Variants in SEMA5A observed in about 807,000 individuals in gnomAD.
The protein encoded by SEMA5A is semaphorin-5A.
In SEMA5A, 55 loss-of-function variants were observed where a neutral mutation model predicts 135.5. The observed-to-expected ratio is 0.41, with a 90% CI of 0.33 to 0.51. The LOEUF (loss-of-function observed/expected upper bound fraction) is 0.51, where lower values mean the gene tolerates loss of function less well. Ranked by LOEUF, SEMA5A falls within the 20% of genes least tolerant of loss-of-function variation. The pLI, the probability that SEMA5A is intolerant of heterozygous loss-of-function variation, is 0.37. For missense variants in SEMA5A, 1,290 were observed against 1,419.9 expected, an observed-to-expected ratio of 0.91 and a Z score of 1.47; for synonymous variants, 580 against 546.5, an observed-to-expected ratio of 1.06 and a Z score of -0.85.
intron 1 of SEMA5A, among the ~76,000 whole-genome samples, chr5:9,486,562 G>A (rs936060284): frequency 6.6e-6 from 1 of 152,108 alleles, no homozygotes; most frequent in Non-Finnish European, 1.5e-5. Flanking sequence ...AGACAGTCAA[G>A]AGAGATGTGT....
intron 11 of SEMA5A, among the ~76,000 whole-genome samples, chr5:9,162,240 C>T (rs1743296052): frequency 6.6e-6 from 1 of 152,038 alleles, no homozygotes; most frequent in Non-Finnish European, 1.5e-5. Flanking sequence ...CTGCGGCCAA[C>T]ATGATTTTCC....
intron 8 of SEMA5A, among the ~76,000 whole-genome samples, chr5:9,203,663 TA>T (rs1468515110): frequency 1.3e-5 from 2 of 152,240 alleles, no homozygotes; most frequent in Non-Finnish European, 2.9e-5. Context: ...AAAAATGTAA[TA>T]AATACTCTAA....
chr5:9,065,567 C>A (rs6858928), intron 17 of SEMA5A, among the ~76,000 whole-genome samples: 1 of 152,200 alleles, frequency 6.6e-6, no homozygotes. Context: ...TAAGGCAGAT[C>A]TAAGAATGGC....
chr5:9,472,534 G>A (rs1561280832), intron 1 of SEMA5A, among the ~76,000 whole-genome samples: 1 of 152,146 alleles, frequency 6.6e-6, no homozygotes, highest in Non-Finnish European at 1.5e-5. Flanking sequence ...AGCTCAGTCT[G>A]GGGCAAAAGC....
chr5:9,537,721 C>A (rs3798086), intron 1 of SEMA5A, among the ~76,000 whole-genome samples: 4 of 152,050 alleles, frequency 2.6e-5, no homozygotes, highest in African/African-American at 9.7e-5. Flanking sequence ...AGCTATTGCA[C>A]TAGGACTTAA....
chr5:9,307,081 A>AT (rs1228833505), intron 5 of SEMA5A, among the ~76,000 whole-genome samples: 1 of 152,226 alleles, frequency 6.6e-6, no homozygotes, highest in East Asian at 1.9e-4. Context: ...ATGCATGTAA[A>AT]TAATAACTGA....
chr5:9,508,053 T>C (rs1233506924), intron 1 of SEMA5A, among the ~76,000 whole-genome samples: 1 of 151,794 alleles, frequency 6.6e-6, no homozygotes, highest in African/African-American at 2.4e-5. Context: ...GAAAGCTGGC[T>C]TGGGGAAGCA....
At chr5:9,468,996 T>TTTTTGTTTTG (rs898374747) in intron 1 of SEMA5A, among the ~76,000 whole-genome samples, 1 of 152,088 alleles carries the variant, frequency 6.6e-6, no homozygotes, top group Non-Finnish European at 1.5e-5. Context: ...GCAATGGATT[T>TTTTTGTTTTG]TTTTGTTTTG....
intron 11 of SEMA5A, among the ~76,000 whole-genome samples, chr5:9,155,412 G>A (rs556095020): frequency 6.6e-6 from 1 of 152,252 alleles, no homozygotes; most frequent in South Asian, 2.1e-4. Flanking sequence ...TGGAGGGTGA[G>A]CGGCCCCTGA....
At chr5:9,492,166 G>C (rs962091232) in intron 1 of SEMA5A, among the ~76,000 whole-genome samples, 1 of 152,190 alleles carries the variant, frequency 6.6e-6, no homozygotes, top group African/African-American at 2.4e-5. Flanking sequence ...AGGTAGGAAA[G>C]ACAACCAACA....
chr5:9,283,665 C>A (rs1750653710), intron 5 of SEMA5A, among the ~76,000 whole-genome samples: 1 of 152,184 alleles, frequency 6.6e-6, no homozygotes, highest in African/African-American at 2.4e-5. Context: ...GGGGCAGAAT[C>A]CTGGGGCCAT....
chr5:9,219,321 T>C (rs983015260), intron 8 of SEMA5A, among the ~76,000 whole-genome samples: 1 of 151,912 alleles, frequency 6.6e-6, no homozygotes, highest in Non-Finnish European at 1.5e-5. Context: ...TGGGGTTGAG[T>C]GGGTCTGGAA....
rs1003023507 is a variant in SEMA5A at position 9,204,639 on chromosome 5, C to T, written c.647-2399G>A. 4.6e-5 allele frequency among the ~76,000 whole-genome samples: 7 copies of T among 152,062 alleles called. No homozygotes were observed. Among genetic ancestry groups the T allele is most frequent in the African/African-American group, 1.7e-4 (7 of 41,386 alleles). ...TTTCACAGATGAGGACACTAAAGCC[C>T]AGAGATTTAATAACTTGTCCAAATT... On this transcript the variant is annotated intron_variant, in intron 8 of 22. Transcript: ENST00000382496. This position sits in a 1 kb window ranked among gnomAD's most constrained non-coding sequence, Gnocchi z 6.4.
chr5:9,270,141 G>A (rs987744756), intron 5 of SEMA5A, among the ~76,000 whole-genome samples: 2 of 152,032 alleles, frequency 1.3e-5, no homozygotes, highest in Admixed American at 1.3e-4. Context: ...TGATCTGCCC[G>A]CAGGAGAAAC....
chr5:9,277,964 A>T (rs970254802), intron 5 of SEMA5A, among the ~76,000 whole-genome samples: 2 of 152,152 alleles, frequency 1.3e-5, no homozygotes, highest in Non-Finnish European at 2.9e-5. Flanking sequence ...ATAATAATAA[A>T]AAAGAACACA....
At chr5:9,521,438 G>A (rs75714850) in intron 1 of SEMA5A, among the ~76,000 whole-genome samples, 2,102 of 152,148 alleles carry the variant, frequency 0.014, 46 homozygotes, top group African/African-American at 0.048. Flanking sequence ...AAAATAAAAT[G>A]AAATGTCTTT....
chr5:9,225,123 C>T (rs1340418640), intron 7 of SEMA5A, among the ~76,000 whole-genome samples: 1 of 152,096 alleles, frequency 6.6e-6, no homozygotes, highest in Middle Eastern at 3.4e-3. Context: ...AACCTTGTAC[C>T]ACTGAATACT....
intron 2 of SEMA5A, among the ~76,000 whole-genome samples, chr5:9,430,262 G>A (rs1757811095): frequency 6.6e-6 from 1 of 152,128 alleles, no homozygotes; most frequent in African/African-American, 2.4e-5. Flanking sequence ...GGGGTTGTGG[G>A]GAGAAAAGAG....
intron 3 of SEMA5A, among the ~76,000 whole-genome samples, chr5:9,355,243 T>A (rs1011451283): frequency 1.3e-5 from 2 of 152,088 alleles, no homozygotes; most frequent in African/African-American, 4.8e-5. Context: ...CCAACCCTTG[T>A]CTATGGCACT....
Sources: gnomAD v4.1 joint callset for allele counts (sites outside exome capture counted in the v4.1 genomes callset) on GRCh38, gnomAD v4.1.1 for gene constraint, Gnocchi (gnomAD v3.1) non-coding constraint, MANE v1.5 for transcripts, NCBI Gene and HGNC (gene_info 2026-07-23, HGNC 2026-07-21) for gene names.